CNTNAP2: variants seen among roughly 807,000 people sequenced by gnomAD.
CNTNAP2 encodes contactin associated protein 2.
Under a neutral mutation model 155.2 loss-of-function variants are expected in CNTNAP2, and 98 were observed. The observed-to-expected ratio is 0.63, with a 90% CI of 0.54 to 0.75. The LOEUF is 0.75. CNTNAP2 is among the 30% of genes least tolerant of loss of function. The pLI, the probability that CNTNAP2 is intolerant of heterozygous loss-of-function variation, is 0.00. For missense variants in CNTNAP2, 1,727 were observed against 1,688.1 expected, an observed-to-expected ratio of 1.02 and a Z score of -0.40; for synonymous variants, 651 against 631.2, an observed-to-expected ratio of 1.03 and a Z score of -0.47.
At chr7:148,018,628 G>T (rs886861807) in intron 15 of CNTNAP2, among the ~76,000 whole-genome samples, 1 of 152,206 alleles carries the variant, frequency 6.6e-6, no homozygotes, top group Non-Finnish European at 1.5e-5. Flanking sequence ...GAAAACTGAA[G>T]CATCCTTTTA....
At chr7:146,875,943 AAAAAAAAAAAAAAAAAAAC>A (rs1473992055) in intron 3 of CNTNAP2, among the ~76,000 whole-genome samples, 1 of 139,692 alleles carries the variant, frequency 7.2e-6, no homozygotes, top group Non-Finnish European at 1.5e-5. Flanking sequence ...GCAAAAAAAA[AAAAAAAAAAAAAAAAAAAC>A]AAAAAACAAA....
intron 10 of CNTNAP2, among the ~76,000 whole-genome samples, chr7:147,416,539 C>A (rs1466369377): frequency 6.6e-6 from 1 of 152,214 alleles, no homozygotes; most frequent in Non-Finnish European, 1.5e-5. Context: ...CCACAGTCCC[C>A]TTTGTTTCAG....
At chr7:147,638,888 A>T (rs1271212410) in intron 12 of CNTNAP2, 2 of 659,656 alleles carry the variant, frequency 3.0e-6, no homozygotes, top group Non-Finnish European at 2.8e-6. Context: ...GGTATCTTGC[A>T]TTTGTTTTCA....
rs979225514 is a variant in CNTNAP2, at chr7:146,279,888, A to C, written c.97+162915A>C. Among the ~76,000 whole-genome samples the C allele has an allele frequency of 2.0e-4, 31 of 151,776 alleles. 1 individual carries two copies. The highest frequency in any genetic ancestry group is 1.3e-4 in the Admixed American group (2 of 15,240). Reference sequence around the variant, plus strand: ...ATTAGACATCTAAAACAAACTTAAAAAAATATATAATGTAGAAAAAAGTAC... The same window carrying C: ...ATTAGACATCTAAAACAAACTTAAACAAATATATAATGTAGAAAAAAGTAC... On this transcript the variant is annotated intron_variant, in intron 1 of 23. Transcript: ENST00000361727.
At chr7:146,925,987 TC>T (rs1033658750) in intron 3 of CNTNAP2, among the ~76,000 whole-genome samples, 2 of 152,090 alleles carry the variant, frequency 1.3e-5, no homozygotes, top group African/African-American at 4.8e-5. Flanking sequence ...TTCTATCTTG[TC>T]CAAACTGGAA....
chr7:147,671,293 C>T (rs1795782996), intron 13 of CNTNAP2, among the ~76,000 whole-genome samples: 1 of 152,178 alleles, frequency 6.6e-6, no homozygotes, highest in Admixed American at 6.5e-5. Context: ...TGCTTCACTT[C>T]CATATGGAGC....
In CNTNAP2 at chr7:147,492,280, G is replaced by A. The variant is rs377330640; in HGVS notation, c.1777+6239G>A. ...GATCCTATGAGAATCTATTGCTGCCGCTGATCTGACAGAAGACGGAGCTCA... is the reference window on the plus strand; with the variant it reads ...GATCCTATGAGAATCTATTGCTGCCACTGATCTGACAGAAGACGGAGCTCA... On this transcript the variant is annotated intron_variant, in intron 11 of 23. Transcript: ENST00000361727. Among the ~76,000 whole-genome samples, 37 of 152,260 alleles carry A rather than the reference G, an allele frequency of 2.4e-4. 2 individuals carry two copies. Among genetic ancestry groups the A allele is most frequent in the South Asian group, 1.2e-3 (6 of 4,820 alleles).
chr7:146,442,983 G>T (rs962469270), intron 1 of CNTNAP2, among the ~76,000 whole-genome samples: 3 of 151,952 alleles, frequency 2.0e-5, no homozygotes, highest in Non-Finnish European at 4.4e-5. Context: ...GAGGCGGGCA[G>T]ATCACCAGGT....
At chr7:146,454,938 A>G (rs1228153453) in intron 1 of CNTNAP2, among the ~76,000 whole-genome samples, 1 of 152,318 alleles carries the variant, frequency 6.6e-6, no homozygotes, top group South Asian at 2.1e-4. Flanking sequence ...CAGCCTGTAT[A>G]TAACAATAGC....
chr7:146,950,939 A>G (rs1209189493), intron 3 of CNTNAP2, among the ~76,000 whole-genome samples: 2 of 152,096 alleles, frequency 1.3e-5, no homozygotes. Context: ...ATTTCTCCAC[A>G]TCCTCTCCAG....
chr7:146,488,896 G>A (rs1285791355), intron 1 of CNTNAP2, among the ~76,000 whole-genome samples: 1 of 152,100 alleles, frequency 6.6e-6, no homozygotes, highest in Admixed American at 6.5e-5. Context: ...TTGGGATTAC[G>A]GGTGTGGGCC....
At chr7:147,826,878 A>G (rs551953076) in intron 13 of CNTNAP2, among the ~76,000 whole-genome samples, 2 of 152,270 alleles carry the variant, frequency 1.3e-5, no homozygotes, top group South Asian at 4.1e-4. Context: ...TCAAGAAATA[A>G]GAAAGAATAT....
chr7:148,395,663 G>A (rs1332371279), intron 22 of CNTNAP2, among the ~76,000 whole-genome samples: 1 of 152,108 alleles, frequency 6.6e-6, no homozygotes, highest in Non-Finnish European at 1.5e-5. Context: ...AGCAGGGTTG[G>A]ATTCCCCTTC....
chr7:147,176,754 T>G (rs1348953577), intron 8 of CNTNAP2, among the ~76,000 whole-genome samples: 4 of 107,210 alleles, frequency 3.7e-5, no homozygotes, highest in Non-Finnish European at 5.4e-5. Flanking sequence ...TTATAATATA[T>G]AATTATAATT....
chr7:146,219,102 C>T (rs1799164206), intron 1 of CNTNAP2, among the ~76,000 whole-genome samples: 1 of 152,104 alleles, frequency 6.6e-6, no homozygotes, highest in Non-Finnish European at 1.5e-5. Context: ...ACAGGAAAGA[C>T]AGAAAAGTTC....
At chr7:147,830,327 T>C (rs1372903279) in intron 13 of CNTNAP2, among the ~76,000 whole-genome samples, 1 of 151,994 alleles carries the variant, frequency 6.6e-6, no homozygotes, top group Non-Finnish European at 1.5e-5. Context: ...AGCTGTGACT[T>C]TTCATGGCAG....
At chr7:147,537,633 G>T (rs1356398841) in intron 11 of CNTNAP2, among the ~76,000 whole-genome samples, 1 of 151,766 alleles carries the variant, frequency 6.6e-6, no homozygotes, top group Non-Finnish European at 1.5e-5. Flanking sequence ...CACAATATAA[G>T]CGTGACTTAA....
intron 12 of CNTNAP2, among the ~76,000 whole-genome samples, chr7:147,634,931 G>T (rs1795151134): frequency 6.6e-6 from 1 of 152,032 alleles, no homozygotes; most frequent in Non-Finnish European, 1.5e-5. Context: ...TCACTCAGTG[G>T]ACTCTTTGTA....
At chr7:146,628,390 T>C (rs867513129) in intron 1 of CNTNAP2, among the ~76,000 whole-genome samples, 1 of 152,080 alleles carries the variant, frequency 6.6e-6, no homozygotes, top group South Asian at 2.1e-4. Context: ...TCAAATGATA[T>C]AATATTTTAA....
Sources: allele counts gnomAD v4.1 joint callset (sites outside exome capture counted in the v4.1 genomes callset), GRCh38; gene constraint gnomAD v4.1.1; transcripts MANE v1.5; gene names NCBI Gene and HGNC (gene_info 2026-07-23, HGNC 2026-07-21).